SLC9C1: variants seen among roughly 807,000 people sequenced by gnomAD.
The protein encoded by SLC9C1 is sodium/hydrogen exchanger 10.
SLC9C1 carries 97 observed loss-of-function variants against 140.9 expected under a neutral mutation model. The ratio of observed to expected loss-of-function variants is 0.69; its 90% CI spans 0.58 to 0.82. SLC9C1 has a LOEUF of 0.82. SLC9C1 is among the 40% of genes least tolerant of loss of function. The pLI, the probability that SLC9C1 is intolerant of heterozygous loss-of-function variation, is 0.00. For missense variants in SLC9C1, 1,340 were observed against 1,389.3 expected (o/e 0.96, Z 0.56); for synonymous variants, 440 against 442.6 (o/e 0.99, Z 0.07).
intron 20 of SLC9C1, among the ~76,000 whole-genome samples, chr3:112,186,578 GC>G (rs2077545311): frequency 6.6e-6 from 1 of 152,102 alleles, no homozygotes; most frequent in African/African-American, 2.4e-5. Flanking sequence ...ATTTCAGTAG[GC>G]CAACTTAGTA....
rs749542356 is a variant in SLC9C1, at chr3:112,286,831, A to G, written c.-40T>C. The G allele has an allele frequency of 2.9e-6, 4 of 1,393,870 alleles. No homozygotes were observed. In the Admixed American group the frequency reaches 5.2e-5, roughly 18 times the overall value. The allele number at this position is 1,393,870 out of a possible 1,614,324, so 86.3% of individuals were successfully genotyped here. ...TTTATGCAGATTTATGTTAGAAGCAATCTCCATATGATCATCCATCTTGTT... is the reference window on the plus strand; with the variant it reads ...TTTATGCAGATTTATGTTAGAAGCAGTCTCCATATGATCATCCATCTTGTT... On this transcript the variant is annotated 5_prime_UTR_variant, in exon 2 of 29. Transcript: ENST00000305815.
At chr3:112,258,377 A>G (rs1312180069) in intron 10 of SLC9C1, among the ~76,000 whole-genome samples, 1 of 151,940 alleles carries the variant, frequency 6.6e-6, no homozygotes, top group Non-Finnish European at 1.5e-5. Flanking sequence ...ATTGCTATCA[A>G]GAACTACCTG....
chr3:112,172,659 G>C (rs1383575674), intron 23 of SLC9C1, among the ~76,000 whole-genome samples: 1 of 152,074 alleles, frequency 6.6e-6, no homozygotes, highest in South Asian at 2.1e-4. Flanking sequence ...ATCACTAGAT[G>C]TGATGTTAGC....
chr3:112,282,719 G>A (rs943844435), intron 2 of SLC9C1, among the ~76,000 whole-genome samples: 4 of 151,852 alleles, frequency 2.6e-5, no homozygotes, highest in East Asian at 1.9e-4. Context: ...CAGTTCTTTC[G>A]GATGGACTAA....
intron 5 of SLC9C1, among the ~76,000 whole-genome samples, chr3:112,277,371 A>G (rs991350096): frequency 6.6e-6 from 1 of 152,158 alleles, no homozygotes; most frequent in East Asian, 1.9e-4. Context: ...AAATGTCACC[A>G]CAGTGTATAT....
intron 20 of SLC9C1, among the ~76,000 whole-genome samples, chr3:112,186,232 T>G (rs1239606715): frequency 7.4e-6 from 1 of 136,052 alleles, no homozygotes; most frequent in Non-Finnish European, 1.6e-5. Flanking sequence ...AATTTTAATG[T>G]TATTAAAATC....
At chr3:112,278,308 T>C (rs1169000149) in intron 4 of SLC9C1, among the ~76,000 whole-genome samples, 7 of 152,308 alleles carry the variant, frequency 4.6e-5, no homozygotes, top group African/African-American at 1.7e-4. Flanking sequence ...GGTTTTTGAA[T>C]TAAAGTTTAG....
At chr3:112,278,099 C>G (rs558961275) in intron 4 of SLC9C1, among the ~76,000 whole-genome samples, 1 of 152,180 alleles carries the variant, frequency 6.6e-6, no homozygotes, top group Admixed American at 6.5e-5. Flanking sequence ...TGTCTGAACT[C>G]CATGTGTCTG....
Position 112,241,817 on chromosome 3 carries a change from T to A in SLC9C1, c.1280-1811A>T, listed in dbSNP as rs924956428. On this transcript the variant is annotated intron_variant, in intron 11 of 28. Coordinates refer to ENST00000305815, the MANE Select transcript of SLC9C1 (RefSeq NM_183061.3). ...CTGCATGCTTACAGTCATCTGATGT[T>A]TGACAAAGCTGACAAAAACAGACAA... 6.6e-4 allele frequency among the ~76,000 whole-genome samples: 101 copies of A among 152,286 alleles called. 1 individual carries two copies. Among genetic ancestry groups the A allele is most frequent in the Non-Finnish European group, 1.2e-3 (85 of 68,018 alleles).
chr3:112,188,084 ATAC>A (rs1384195029), intron 20 of SLC9C1, among the ~76,000 whole-genome samples: 2 of 152,304 alleles, frequency 1.3e-5, no homozygotes, highest in African/African-American at 4.8e-5. Flanking sequence ...TTGCATGGCC[ATAC>A]TACAATTTAT....
At chr3:112,273,573 G>T (rs2080134753) in intron 6 of SLC9C1, among the ~76,000 whole-genome samples, 1 of 152,096 alleles carries the variant, frequency 6.6e-6, no homozygotes, top group African/African-American at 2.4e-5. Flanking sequence ...GGGGTGAGGG[G>T]GTGGTGGTCC....
intron 19 of SLC9C1, 142 bp from the exon 20 acceptor site, chr3:112,199,611 C>G: frequency 3.6e-6 from 2 of 557,998 alleles, no homozygotes. Context: ...GAAGGGGCCA[C>G]TATGATCAAT....
At position 112,167,298 on chromosome 3, in the gene SLC9C1, A is replaced by G; in HGVS notation, c.3287T>C (p.Ile1096Thr). ...FTKVVIIQTP[I>T]NMKTFRRNIR... Reference sequence around the variant, plus strand: ...ATTCCTTCTGAATGTTTTCATGTTAATCGGAGTTTGAATAATCACTACTTT... The same window carrying G: ...ATTCCTTCTGAATGTTTTCATGTTAGTCGGAGTTTGAATAATCACTACTTT... The change falls in exon 26 of 29, where the codon ATT becomes ACT. Residue 1096 changes from isoleucine to threonine, a missense_variant. Coordinates refer to ENST00000305815, the MANE Select transcript of SLC9C1 (RefSeq NM_183061.3). 1 of 1,608,492 alleles carries G rather than the reference A, an allele frequency of 6.2e-7. No homozygotes were observed. Among genetic ancestry groups the G allele is most frequent in the Non-Finnish European group, 8.5e-7 (1 of 1,177,828 alleles).
At chr3:112,284,594 A>G (rs2080451141) in intron 2 of SLC9C1, among the ~76,000 whole-genome samples, 1 of 152,254 alleles carries the variant, frequency 6.6e-6, no homozygotes, top group Non-Finnish European at 1.5e-5. Context: ...GGAATTTAGC[A>G]AAGTCAAATG....
chr3:112,166,708 A>G (rs1253334719), intron 26 of SLC9C1, among the ~76,000 whole-genome samples: 2 of 152,070 alleles, frequency 1.3e-5, no homozygotes, highest in Non-Finnish European at 2.9e-5. Flanking sequence ...TTAAATTTTT[A>G]ATATTTATCT....
chr3:112,274,814 G>A lies in SLC9C1; in HGVS notation c.613+83C>T, dbSNP rs968325824. 20 of 1,239,528 alleles carry A rather than the reference G, an allele frequency of 1.6e-5. No individual in the cohort carries two copies. The South Asian group carries it at 2.6e-4, about 16-fold the overall frequency. 76.8% of individuals were successfully genotyped at this position (1,239,528 alleles called of 1,614,324 possible). ...TTATATTCCTACAAATATAACTTAT[G>A]GTAGGATATTACAAAATACACATCA... is the stretch of plus-strand genomic sequence containing the variant. On this transcript the variant is annotated intron_variant, in intron 6 of 28. Coordinates refer to ENST00000305815, the MANE Select transcript of SLC9C1 (RefSeq NM_183061.3).
In SLC9C1 at chr3:112,217,580, C is replaced by G; in HGVS notation, c.1671-19G>C. 2 of 1,554,234 alleles carry G rather than the reference C, an allele frequency of 1.3e-6. No homozygotes were observed. The highest frequency in any genetic ancestry group is 1.7e-6 in the Non-Finnish European group (2 of 1,153,542). ...CATACATCTAGAAAAAGAGAGAAAT[C>G]TTTAAACATGCTTTAAACATTTTGA... On this transcript the variant is annotated intron_variant, in intron 14 of 28. Coordinates refer to ENST00000305815, the MANE Select transcript of SLC9C1 (RefSeq NM_183061.3).
intron 10 of SLC9C1, among the ~76,000 whole-genome samples, chr3:112,247,045 T>C (rs1469963970): frequency 6.6e-6 from 1 of 152,158 alleles, no homozygotes; most frequent in Admixed American, 6.5e-5. Context: ...TCCTGTTAGA[T>C]TGGGTTTGGA....
At chr3:112,183,240 A>C (rs1314704489) in intron 20 of SLC9C1, among the ~76,000 whole-genome samples, 1 of 151,566 alleles carries the variant, frequency 6.6e-6, no homozygotes, top group Non-Finnish European at 1.5e-5. Flanking sequence ...TGTTGTCTAC[A>C]CTTGGTATTG....
Sources: gnomAD v4.1 joint callset for allele counts (sites outside exome capture counted in the v4.1 genomes callset) on GRCh38, gnomAD v4.1.1 for gene constraint, MANE v1.5 for transcripts, NCBI Gene and HGNC (gene_info 2026-07-23, HGNC 2026-07-21) for gene names.